The following PPM1E variants were observed in gnomAD, a reference collection of about 807,000 sequenced individuals.
The protein encoded by PPM1E is protein phosphatase 1E.
A neutral mutation model predicts 65.9 loss-of-function variants in PPM1E; 20 were observed. That is an observed-to-expected ratio of 0.30 (90% confidence interval 0.21 to 0.44). The LOEUF (loss-of-function observed/expected upper bound fraction) is 0.44, where lower values mean the gene tolerates loss of function less well. Ranked by LOEUF, PPM1E falls within the 20% of genes least tolerant of loss-of-function variation. The pLI is 1.00. For synonymous variants in PPM1E, 352 were observed against 374.9 expected (o/e 0.94, Z 0.70); for missense variants, 713 against 953.1 (o/e 0.75, Z 3.32).
At chr17:58,877,047 T>C (rs1297987078) in intron 1 of PPM1E, among the ~76,000 whole-genome samples, 3 of 152,228 alleles carry the variant, frequency 2.0e-5, no homozygotes, top group South Asian at 2.1e-4. Flanking sequence ...CCTCCCAAAG[T>C]GCTGGGATTA....
chr17:58,798,372 G>A (rs560116578), intron 1 of PPM1E, among the ~76,000 whole-genome samples: 143 of 151,442 alleles, frequency 9.4e-4, no homozygotes, highest in African/African-American at 3.3e-3. Flanking sequence ...GGGATTACAG[G>A]CAGGCGCCAC....
chr17:58,805,961 C>CAAAAAAAAAAAAAAAAAA (rs71367632), intron 1 of PPM1E, among the ~76,000 whole-genome samples: 2 of 69,828 alleles, frequency 2.9e-5, no homozygotes, highest in Non-Finnish European at 5.5e-5. Flanking sequence ...AAAAAAAAAA[C>CAAAAAAAAAAAAAAAAAA]AAAAAAAAAA....
intron 1 of PPM1E, among the ~76,000 whole-genome samples, chr17:58,936,767 C>T (rs943571768): frequency 6.6e-6 from 1 of 152,118 alleles, no homozygotes; most frequent in Non-Finnish European, 1.5e-5. Context: ...TCCTGTCCAT[C>T]TAAAGGAACT....
intron 1 of PPM1E, among the ~76,000 whole-genome samples, chr17:58,814,266 T>C (rs1482664878): frequency 6.6e-6 from 1 of 151,224 alleles, no homozygotes; most frequent in African/African-American, 2.4e-5. Flanking sequence ...AACTGGTAAA[T>C]ATGGAGGCAT....
intron 2 of PPM1E, 81 bp downstream of exon 2, chr17:58,955,848 A>T: frequency 7.0e-7 from 1 of 1,419,884 alleles, no homozygotes; most frequent in Non-Finnish European, 9.4e-7. Flanking sequence ...TCTGCAAAAT[A>T]CTAAATCTAA....
chr17:58,939,345 A>G (rs935691928), intron 1 of PPM1E, among the ~76,000 whole-genome samples: 2 of 152,226 alleles, frequency 1.3e-5, no homozygotes, highest in Non-Finnish European at 2.9e-5. Context: ...ATGCTAGCCA[A>G]TATGAGCTGC....
At chr17:58,828,215 A>T (rs1567846048) in intron 1 of PPM1E, among the ~76,000 whole-genome samples, 1 of 151,230 alleles carries the variant, frequency 6.6e-6, no homozygotes, top group South Asian at 2.1e-4. Flanking sequence ...TCTCAATCTC[A>T]AATAGTAATA....
At chr17:58,893,404 G>A (rs2051372500) in intron 1 of PPM1E, among the ~76,000 whole-genome samples, 1 of 152,146 alleles carries the variant, frequency 6.6e-6, no homozygotes, top group Admixed American at 6.6e-5. Flanking sequence ...ACTGGAAAAA[G>A]ACAAAACTGT....
chr17:58,955,901 G>T, intron 2 of PPM1E, 134 bp downstream of exon 2: 1 of 946,366 alleles, frequency 1.1e-6, no homozygotes, highest in Non-Finnish European at 1.5e-6. Flanking sequence ...TAGCAGGGGA[G>T]AAAAAATGCA....
chr17:58,948,136 A>AT (rs560136069), intron 1 of PPM1E, among the ~76,000 whole-genome samples: 15 of 152,100 alleles, frequency 9.9e-5, no homozygotes, highest in Non-Finnish European at 1.9e-4. Context: ...CTTTTGCTAC[A>AT]TTTTTTTCAT....
intron 1 of PPM1E, chr17:58,785,466 A>ATATC (rs2144225951): frequency 1.4e-5 from 1 of 73,334 alleles, no homozygotes; most frequent in South Asian, 3.5e-4. Flanking sequence ...ATTTATATAT[A>ATATC]TATATATATA....
chr17:58,841,181 G>A (rs2050713948), intron 1 of PPM1E, among the ~76,000 whole-genome samples: 1 of 152,176 alleles, frequency 6.6e-6, no homozygotes, highest in African/African-American at 2.4e-5. Flanking sequence ...GAAGTGAATA[G>A]ACAAATCTTT....
chr17:58,799,290 T>C (rs1424429149), intron 1 of PPM1E, among the ~76,000 whole-genome samples: 4 of 152,140 alleles, frequency 2.6e-5, no homozygotes, highest in Non-Finnish European at 5.9e-5. Flanking sequence ...TTAAGTCTTT[T>C]TTTTTTTGAG....
intron 1 of PPM1E, among the ~76,000 whole-genome samples, chr17:58,786,584 G>A (rs1835536275): frequency 1.3e-5 from 2 of 152,130 alleles, no homozygotes; most frequent in African/African-American, 4.8e-5. Flanking sequence ...AGATTTCATC[G>A]GGCTGCTACA....
At chr17:58,816,763 TATATATATATATATATATATATATA>T (rs2050421738) in intron 1 of PPM1E, among the ~76,000 whole-genome samples, 1 of 10,956 alleles carries the variant, frequency 9.1e-5, no homozygotes, top group African/African-American at 4.2e-4. Context: ...TATATATATA[TATATATATATATATATATATATATA>T]TATATATTTT....
chr17:58,795,521 A>G (rs1442100306), intron 1 of PPM1E, among the ~76,000 whole-genome samples: 1 of 151,808 alleles, frequency 6.6e-6, no homozygotes, highest in Non-Finnish European at 1.5e-5. Context: ...TGGGCAACAA[A>G]GTCAGACCCT....
intron 1 of PPM1E, among the ~76,000 whole-genome samples, chr17:58,940,772 G>A (rs1189069763): frequency 6.6e-6 from 1 of 152,098 alleles, no homozygotes; most frequent in African/African-American, 2.4e-5. Context: ...GTGCAGTGGT[G>A]TGATCGGGAC....
At chr17:58,924,623 A>G (rs145744410) in intron 1 of PPM1E, among the ~76,000 whole-genome samples, 14 of 152,274 alleles carry the variant, frequency 9.2e-5, no homozygotes, top group African/African-American at 4.8e-5. Context: ...GGTTTGTTAC[A>G]TAGGCATACA....
intron 1 of PPM1E, among the ~76,000 whole-genome samples, chr17:58,798,062 C>T (rs1178522089): frequency 6.6e-6 from 1 of 151,996 alleles, no homozygotes; most frequent in Non-Finnish European, 1.5e-5. Context: ...GCTTATTAGC[C>T]ATTTATATAA....
Sources: gnomAD v4.1 joint callset for allele counts (sites outside exome capture counted in the v4.1 genomes callset) on GRCh38, gnomAD v4.1.1 for gene constraint, MANE v1.5 for transcripts, NCBI Gene and HGNC (gene_info 2026-07-23, HGNC 2026-07-21) for gene names.